MAPK8: variants seen among roughly 807,000 people sequenced by gnomAD.
The protein encoded by MAPK8 is JUN N-terminal kinase.
A neutral mutation model predicts 52.9 loss-of-function variants in MAPK8; 13 were observed. That is an observed-to-expected ratio of 0.25 (90% CI 0.16 to 0.39). MAPK8 has a LOEUF of 0.39. MAPK8 is among the 10% of genes least tolerant of loss of function. The pLI is 1.00. For synonymous variants in MAPK8, 191 were observed against 169.8 expected (o/e 1.12, Z -0.97); for missense variants, 300 against 519.2 (o/e 0.58, Z 4.10).
At chr10:48,310,083 T>A (rs1841826602) in intron 1 of MAPK8, among the ~76,000 whole-genome samples, 1 of 152,208 alleles carries the variant, frequency 6.6e-6, no homozygotes, top group African/African-American at 2.4e-5. Context: ...AAATGAGTTA[T>A]CCTGTCATTC....
At chr10:48,311,219 C>T (rs1038364922) in intron 1 of MAPK8, among the ~76,000 whole-genome samples, 1 of 152,184 alleles carries the variant, frequency 6.6e-6, no homozygotes, top group Non-Finnish European at 1.5e-5. Context: ...TTATATTTAA[C>T]TTTGAACAAA....
intron 10 of MAPK8, among the ~76,000 whole-genome samples, chr10:48,428,998 T>G (rs1283612381): frequency 6.6e-6 from 1 of 151,008 alleles, no homozygotes; most frequent in Non-Finnish European, 1.5e-5. Flanking sequence ...ATTTTGTTTT[T>G]TTTTTTTGAG....
intron 1 of MAPK8, among the ~76,000 whole-genome samples, chr10:48,361,734 C>T (rs1411800140): frequency 2.6e-5 from 4 of 152,062 alleles, no homozygotes. Context: ...TTTCTTTCCC[C>T]TGGGGCGTAG....
At chr10:48,418,775 A>G (rs1481456725) in intron 5 of MAPK8, among the ~76,000 whole-genome samples, 1 of 152,206 alleles carries the variant, frequency 6.6e-6, no homozygotes, top group Non-Finnish European at 1.5e-5. Context: ...ATAGTCTTTG[A>G]GGCTTTTTTT....
At chr10:48,424,237 A>C in intron 7 of MAPK8, 78 bp downstream of exon 7, 1 of 1,275,472 alleles carries the variant, frequency 7.8e-7, no homozygotes, top group Non-Finnish European at 1.1e-6. Flanking sequence ...TGAATATGCT[A>C]CATTTACACA....
At chr10:48,331,339 T>C (rs1844124406) in intron 1 of MAPK8, among the ~76,000 whole-genome samples, 2 of 152,220 alleles carry the variant, frequency 1.3e-5, no homozygotes, top group South Asian at 4.1e-4. Flanking sequence ...AGGAGTCCCC[T>C]GCCAGTTTCC....
At chr10:48,352,208 G>T (rs1388484972) in intron 1 of MAPK8, among the ~76,000 whole-genome samples, 1 of 151,766 alleles carries the variant, frequency 6.6e-6, no homozygotes. Flanking sequence ...GCTTAAAGAA[G>T]AATTTACACT....
At chr10:48,433,151 A>G (rs542629109) in intron 11 of MAPK8, among the ~76,000 whole-genome samples, 1 of 152,338 alleles carries the variant, frequency 6.6e-6, no homozygotes, top group Non-Finnish European at 1.5e-5. Flanking sequence ...ATTACCATTC[A>G]GATATTTGAG....
At chr10:48,356,235 A>G (rs1846924310) in intron 1 of MAPK8, among the ~76,000 whole-genome samples, 1 of 152,238 alleles carries the variant, frequency 6.6e-6, no homozygotes, top group African/African-American at 2.4e-5. Flanking sequence ...CACGTAAGTC[A>G]GAAGGATGAA....
At chr10:48,339,934 G>A (rs1344201256) in intron 1 of MAPK8, among the ~76,000 whole-genome samples, 4 of 152,122 alleles carry the variant, frequency 2.6e-5, no homozygotes, top group Non-Finnish European at 5.9e-5. Context: ...AAAAGGGAAC[G>A]CTTACACGCT....
At chr10:48,346,901 G>A (rs1243225245) in intron 1 of MAPK8, among the ~76,000 whole-genome samples, 1 of 152,164 alleles carries the variant, frequency 6.6e-6, no homozygotes, top group Non-Finnish European at 1.5e-5. Context: ...GTGGACATGT[G>A]ACCCACGTGA....
chr10:48,416,984 C>T (rs1436714490), intron 5 of MAPK8, among the ~76,000 whole-genome samples: 1 of 152,204 alleles, frequency 6.6e-6, no homozygotes, highest in Non-Finnish European at 1.5e-5. Flanking sequence ...CCATCCTTCT[C>T]AGCCTTGCCA....
intron 1 of MAPK8, among the ~76,000 whole-genome samples, chr10:48,323,948 G>GT (rs938510619): frequency 1.3e-5 from 2 of 152,132 alleles, no homozygotes; most frequent in African/African-American, 4.8e-5. Context: ...GGCTATTACT[G>GT]TTTTTTGGTT....
chr10:48,393,147 C>T (rs2041714726), intron 1 of MAPK8, among the ~76,000 whole-genome samples: 1 of 152,090 alleles, frequency 6.6e-6, no homozygotes, highest in Non-Finnish European at 1.5e-5. Context: ...TTAACGACTA[C>T]TCTTGAATAA....
At chr10:48,362,359 C>T (rs1277733436) in intron 1 of MAPK8, among the ~76,000 whole-genome samples, 1 of 151,994 alleles carries the variant, frequency 6.6e-6, no homozygotes. Context: ...TCTTTTCTGA[C>T]CCTTGTTTCT....
chr10:48,380,458 G>A (rs779303223), intron 1 of MAPK8, among the ~76,000 whole-genome samples: 12 of 152,150 alleles, frequency 7.9e-5, no homozygotes, highest in South Asian at 2.1e-4. Flanking sequence ...ATGGCCGGGC[G>A]TGGTGGCTGA....
chr10:48,321,011 A>G (rs1030075972), intron 1 of MAPK8, among the ~76,000 whole-genome samples: 3 of 150,054 alleles, frequency 2.0e-5, no homozygotes, highest in African/African-American at 7.4e-5. Flanking sequence ...GGCCACTTTT[A>G]TATCTTCTGG....
intron 3 of MAPK8, among the ~76,000 whole-genome samples, chr10:48,408,285 T>G (rs1839924678): frequency 6.6e-6 from 1 of 152,142 alleles, no homozygotes; most frequent in African/African-American, 2.4e-5. Context: ...AAAATGAGAC[T>G]AGATTACAGT....
intron 1 of MAPK8, among the ~76,000 whole-genome samples, chr10:48,355,657 T>C (rs192078314): frequency 6.2e-4 from 95 of 152,086 alleles, no homozygotes; most frequent in African/African-American, 2.2e-3. Flanking sequence ...TATTTAAAAA[T>C]AAATATTTAT....
Sources: allele counts gnomAD v4.1 joint callset (sites outside exome capture counted in the v4.1 genomes callset), GRCh38; gene constraint gnomAD v4.1.1; transcripts MANE v1.5; gene names NCBI Gene and HGNC (gene_info 2026-07-23, HGNC 2026-07-21).